The following DACH1 variants were observed in gnomAD, a reference collection of about 807,000 sequenced individuals.
DACH1 encodes the protein dachshund family transcription factor 1.
Under a neutral mutation model 54.2 loss-of-function variants are expected in DACH1, and 12 were observed. The observed-to-expected ratio is 0.22, with a 90% confidence interval of 0.14 to 0.36. DACH1 has a LOEUF of 0.36. Among genes scored for constraint, DACH1 ranks in the 10% least tolerant of loss-of-function variants. DACH1 has a pLI of 1.00. For missense variants in DACH1, 805 were observed against 929.8 expected (o/e 0.87, Z 1.75); for synonymous variants, 386 against 366.2 (o/e 1.05, Z -0.62).
intron 3 of DACH1, among the ~76,000 whole-genome samples, chr13:71,607,929 A>C (rs1874998084): frequency 6.6e-6 from 1 of 152,162 alleles, no homozygotes; most frequent in African/African-American, 2.4e-5. Context: ...TTAGGAATGA[A>C]GATACTGATG....
At chr13:71,672,808 TAAGA>T (rs1189830139) in intron 2 of DACH1, among the ~76,000 whole-genome samples, 1 of 152,100 alleles carries the variant, frequency 6.6e-6, no homozygotes, top group East Asian at 1.9e-4. Context: ...ATTAGAACAC[TAAGA>T]ATTTCACAAA....
intron 10 of DACH1, among the ~76,000 whole-genome samples, chr13:71,449,845 C>T (rs948539430): frequency 2.1e-5 from 3 of 141,474 alleles, no homozygotes; most frequent in Non-Finnish European, 4.5e-5. Context: ...TGAGAGAACA[C>T]AGGTTAGTTG....
At chr13:71,615,636 G>A (rs1387465083) in intron 3 of DACH1, among the ~76,000 whole-genome samples, 1 of 152,136 alleles carries the variant, frequency 6.6e-6, no homozygotes, top group Non-Finnish European at 1.5e-5. Flanking sequence ...CACAGGCTCA[G>A]AGACTGCAGT....
chr13:71,717,865 A>G (rs138901959), intron 1 of DACH1, among the ~76,000 whole-genome samples: 53 of 152,094 alleles, frequency 3.5e-4, no homozygotes, highest in Non-Finnish European at 7.2e-4. Context: ...ACCAATATGG[A>G]ATTAGTAGTC....
At chr13:71,519,871 C>A (rs1881440616) in intron 6 of DACH1, among the ~76,000 whole-genome samples, 2 of 14,124 alleles carry the variant, frequency 1.4e-4, no homozygotes, top group Admixed American at 1.1e-3. Context: ...TGTTTGTGTC[C>A]AAACCAAAGT....
At chr13:71,810,911 G>C (rs1887683170) in intron 1 of DACH1, among the ~76,000 whole-genome samples, 1 of 152,052 alleles carries the variant, frequency 6.6e-6, no homozygotes, top group Admixed American at 6.6e-5. Flanking sequence ...ATCTGCAATG[G>C]CTCTTGTACT....
At chr13:71,449,989 C>T (rs1316383716) in intron 10 of DACH1, among the ~76,000 whole-genome samples, 1 of 151,546 alleles carries the variant, frequency 6.6e-6, no homozygotes, top group Non-Finnish European at 1.5e-5. Flanking sequence ...TTACTGGGTT[C>T]GGCACGCCAA....
At chr13:71,723,618 T>G (rs1469077244) in intron 1 of DACH1, among the ~76,000 whole-genome samples, 1 of 152,224 alleles carries the variant, frequency 6.6e-6, no homozygotes, top group Non-Finnish European at 1.5e-5. Context: ...AAAATTTATG[T>G]TCTAATCCCA....
intron 6 of DACH1, among the ~76,000 whole-genome samples, chr13:71,511,457 G>A (rs1281065033): frequency 6.6e-6 from 1 of 151,946 alleles, no homozygotes; most frequent in Non-Finnish European, 1.5e-5. Context: ...ATACAGAGTG[G>A]AGGAAAATAT....
intron 10 of DACH1, among the ~76,000 whole-genome samples, chr13:71,451,113 A>C (rs181908986): frequency 5.9e-5 from 9 of 152,282 alleles, no homozygotes; most frequent in Admixed American, 3.3e-4. Context: ...AGAACAGGCA[A>C]TTATATGATT....
At chr13:71,567,786 C>G (rs887606327) in intron 4 of DACH1, among the ~76,000 whole-genome samples, 1 of 151,906 alleles carries the variant, frequency 6.6e-6, no homozygotes, top group South Asian at 2.1e-4. Context: ...GAACACATGC[C>G]TTAAATCACT....
At chr13:71,800,325 G>T (rs1017132367) in intron 1 of DACH1, among the ~76,000 whole-genome samples, 1 of 152,078 alleles carries the variant, frequency 6.6e-6, no homozygotes, top group African/African-American at 2.4e-5. Context: ...AATAGCCGGA[G>T]CACTAAAAAG....
intron 6 of DACH1, among the ~76,000 whole-genome samples, chr13:71,504,427 T>C (rs1221770359): frequency 6.6e-6 from 1 of 152,164 alleles, no homozygotes; most frequent in African/African-American, 2.4e-5. Flanking sequence ...TTTTGTGGAA[T>C]TTGTTTAATT....
intron 3 of DACH1, among the ~76,000 whole-genome samples, chr13:71,590,875 CTTTTTTTT>C (rs71123234): frequency 1.2e-5 from 1 of 85,142 alleles, no homozygotes; most frequent in Non-Finnish European, 2.2e-5. Flanking sequence ...CTCTCTCTTT[CTTTTTTTT>C]TTTTTTTTTT....
At chr13:71,492,920 A>G (rs1431753434) in intron 6 of DACH1, among the ~76,000 whole-genome samples, 1 of 152,122 alleles carries the variant, frequency 6.6e-6, no homozygotes, top group Non-Finnish European at 1.5e-5. Flanking sequence ...GAAGAATACG[A>G]TGATTTAATC....
intron 6 of DACH1, among the ~76,000 whole-genome samples, chr13:71,550,814 A>G (rs1883764293): frequency 6.6e-6 from 1 of 152,100 alleles, no homozygotes; most frequent in Non-Finnish European, 1.5e-5. Flanking sequence ...TTCAACACTT[A>G]TTTTCGAGGC....
At chr13:71,672,951 G>A (rs1052262135) in intron 2 of DACH1, among the ~76,000 whole-genome samples, 3 of 152,158 alleles carry the variant, frequency 2.0e-5, no homozygotes. Flanking sequence ...GTCAAAGGGG[G>A]CATCATATTA....
intron 1 of DACH1, among the ~76,000 whole-genome samples, chr13:71,700,142 C>T (rs7998283): frequency 0.093 from 14,151 of 152,112 alleles, 1,842 homozygotes; most frequent in African/African-American, 0.29. Context: ...TTTGGACACA[C>T]GTTGGCATCC....
At chr13:71,466,518 C>T (rs886765502) in intron 10 of DACH1, among the ~76,000 whole-genome samples, 1 of 152,044 alleles carries the variant, frequency 6.6e-6, no homozygotes, top group Non-Finnish European at 1.5e-5. Context: ...CTCATAGTGC[C>T]AACCCCCTAT....
Sources: gnomAD v4.1 joint callset for allele counts (sites outside exome capture counted in the v4.1 genomes callset) on GRCh38, gnomAD v4.1.1 for gene constraint, MANE v1.5 for transcripts, NCBI Gene and HGNC (gene_info 2026-07-23, HGNC 2026-07-21) for gene names.